Variants in PCNX2 observed in about 807,000 individuals in gnomAD.
PCNX2 encodes pecanex 2, also known as pecanex-like protein 2.
A neutral mutation model predicts 223.8 loss-of-function variants in PCNX2; 168 were observed. That is an observed-to-expected ratio of 0.75 (90% CI 0.66 to 0.85). PCNX2 has a LOEUF of 0.85. Ranked by LOEUF, PCNX2 falls within the 40% of genes least tolerant of loss-of-function variation. The pLI, the probability that PCNX2 is intolerant of heterozygous loss-of-function variation, is 0.00. For missense variants in PCNX2, 2,507 were observed against 2,675.5 expected (o/e 0.94, Z 1.39); for synonymous variants, 1,006 against 1,052.6 (o/e 0.96, Z 0.86).
At chr1:233,262,881 A>G (rs2103000407) in intron 2 of PCNX2, 77 bp downstream of exon 2, 1 of 1,394,162 alleles carries the variant, frequency 7.2e-7, no homozygotes, top group Non-Finnish European at 1.0e-6. Flanking sequence ...TAATTTCATA[A>G]ACACTGATAA....
chr1:233,241,412 T>C (rs1658757721), intron 8 of PCNX2: 1 of 972,318 alleles, frequency 1.0e-6, no homozygotes, highest in African/African-American at 1.8e-5. Flanking sequence ...TATGCCTCTA[T>C]GCCTGGGTGA....
Position 233,251,969 on chromosome 1 carries a change from GT to G in PCNX2, c.2128+384del, listed in dbSNP as rs1188976654. ...AAGTACTGGGCATTGCCCTCTTGAAGTTGATAACTGTGAGGGGGAAATGCCA... is the reference window on the plus strand; with the variant it reads ...AAGTACTGGGCATTGCCCTCTTGAAGTGATAACTGTGAGGGGGAAATGCCA... On this transcript the variant is annotated intron_variant, in intron 7 of 33. Coordinates refer to ENST00000258229, the MANE Select transcript of PCNX2 (RefSeq NM_014801.4). Among the ~76,000 whole-genome samples the G allele has an allele frequency of 6.6e-5, 10 of 152,380 alleles. No individual in the cohort carries two copies. The East Asian group carries it at 1.9e-3, about 29-fold the overall frequency.
chr1:233,146,406 T>C (rs6679553), intron 19 of PCNX2, among the ~76,000 whole-genome samples: 15,571 of 152,242 alleles, frequency 0.1, 2,402 homozygotes, highest in African/African-American at 0.34. Context: ...TTTCTGATTA[T>C]GAAATAAAAA....
chr1:232,987,583 C>T (rs957056098), intron 32 of PCNX2, among the ~76,000 whole-genome samples: 11 of 152,340 alleles, frequency 7.2e-5, no homozygotes, highest in African/African-American at 2.2e-4. Context: ...TCAGAAAGGA[C>T]GTCCTATGCA....
At chr1:232,996,472 C>T (rs1669878473) in intron 32 of PCNX2, among the ~76,000 whole-genome samples, 2 of 152,244 alleles carry the variant, frequency 1.3e-5, no homozygotes, top group South Asian at 4.1e-4. Context: ...GCATGGGAGG[C>T]CTCCAGCAGG....
chr1:233,235,763 G>C (rs1457888392), intron 9 of PCNX2, among the ~76,000 whole-genome samples: 1 of 151,590 alleles, frequency 6.6e-6, no homozygotes, highest in East Asian at 1.9e-4. Context: ...CACCATGCCA[G>C]GCTAATGTTT....
rs968941768 is a variant in PCNX2, at chr1:233,295,431, C to G, written c.48G>C (p.Ala16=). 2 of 1,551,646 alleles carry G rather than the reference C, an allele frequency of 1.3e-6. No individual in the cohort carries two copies. The highest frequency in any genetic ancestry group is 1.4e-5 in the African/African-American group (1 of 73,074). ...GGTCGTGGTACCAGCCCCCGGTGAG[C>G]GCGGCCCACACGCCCTGCCGGAGCA... ...LQLLRQGVWA[A]LTGGWYHDPE... The change falls in exon 1 of 34, where the codon GCG becomes GCC. Residue 16 remains alanine (A), a synonymous_variant. Transcript: ENST00000258229. This position sits in a 1 kb window ranked among gnomAD's most constrained non-coding sequence, Gnocchi z 4.1.
chr1:233,061,260 A>G (rs191339024), intron 23 of PCNX2, among the ~76,000 whole-genome samples: 57 of 152,346 alleles, frequency 3.7e-4, no homozygotes, highest in African/African-American at 1.3e-3. Context: ...GCCAGAGTTT[A>G]AATACAGGGG....
At chr1:233,013,475 T>C (rs1027822826) in intron 28 of PCNX2, among the ~76,000 whole-genome samples, 1 of 152,096 alleles carries the variant, frequency 6.6e-6, no homozygotes, top group African/African-American at 2.4e-5. Context: ...GGAAACACAG[T>C]CAACAAGGCT....
At chr1:233,147,463 G>GAGGA (rs1185989267) in intron 19 of PCNX2, among the ~76,000 whole-genome samples, 1 of 152,084 alleles carries the variant, frequency 6.6e-6, no homozygotes, top group Non-Finnish European at 1.5e-5. Flanking sequence ...GTAGGCTGAG[G>GAGGA]AGGAGAAGGA....
In PCNX2 at chr1:233,258,037, G is replaced by GT; in HGVS notation, c.1824_1825insA (p.Leu609ThrfsTer5). 6.2e-7 allele frequency: 1 copy of GT among 1,610,684 alleles called. No homozygotes were observed. Among genetic ancestry groups the GT allele is most frequent in the East Asian group, 2.2e-5 (1 of 44,748 alleles). On this transcript the variant is annotated frameshift_variant, in exon 5 of 34. Coordinates refer to ENST00000258229, the MANE Select transcript of PCNX2 (RefSeq NM_014801.4). LOFTEE classifies it high-confidence loss of function. ...TGACATGGAATCGCACCTCGGAGAA[G>GT]CCCACTTTCTTCATTCTGCTCAGCT...
chr1:233,057,730 T>C (rs1672245238), intron 23 of PCNX2: 2 of 239,930 alleles, frequency 8.3e-6, no homozygotes, highest in South Asian at 1.5e-4. Context: ...AGATTAGCCA[T>C]GTGTGGTGGC....
intron 21 of PCNX2, among the ~76,000 whole-genome samples, chr1:233,115,142 G>C (rs1675333140): frequency 6.6e-6 from 1 of 151,856 alleles, no homozygotes; most frequent in Non-Finnish European, 1.5e-5. Context: ...CAGGGAAATA[G>C]ATTGAGACTA....
At chr1:233,075,096 A>G (rs535023091) in intron 23 of PCNX2, among the ~76,000 whole-genome samples, 9 of 152,348 alleles carry the variant, frequency 5.9e-5, no homozygotes, top group African/African-American at 2.2e-4. Flanking sequence ...ATCTCAGAGA[A>G]GTGAAGATTT....
Position 233,258,867 on chromosome 1 carries a change from T to C in PCNX2, c.995A>G (p.Gln332Arg). The C allele has an allele frequency of 6.2e-7, 1 of 1,613,966 alleles. No individual in the cohort carries two copies. The highest frequency in any genetic ancestry group is 8.5e-7 in the Non-Finnish European group (1 of 1,179,876). ...PVEEPADTSCQVDTSCQGDLP... is the reference protein window; with the variant it reads ...PVEEPADTSCRVDTSCQGDLP... ...GTCCCCCTGGCAGGAGGTATCTACC[T>C]GACAGGATGTGTCTGCTGGCTCCTC... Residue 332 changes from glutamine (Q) to arginine (R), a missense_variant, in exon 5 of 34, where the codon CAG becomes CGG. Physicochemically the swap from Gln to Arg is conservative, Grantham distance 43. Coordinates refer to ENST00000258229, the MANE Select transcript of PCNX2 (RefSeq NM_014801.4).
At chr1:233,325,199 T>A in the PCNX2 span, among the ~76,000 whole-genome samples, 1 of 152,156 alleles carries the variant, frequency 6.6e-6, no homozygotes, top group Non-Finnish European at 1.5e-5. Flanking sequence ...CCATTCTAGA[T>A]GCCATTAAAA....
the PCNX2 span, among the ~76,000 whole-genome samples, chr1:233,311,555 T>G: frequency 1.3e-5 from 2 of 152,310 alleles, no homozygotes; most frequent in South Asian, 2.1e-4. Flanking sequence ...ATGGAAAAAC[T>G]GAGTAATACA....
chr1:233,291,327 G>A (rs769997220), intron 1 of PCNX2, among the ~76,000 whole-genome samples: 56 of 152,062 alleles, frequency 3.7e-4, no homozygotes, highest in African/African-American at 1.1e-3. Flanking sequence ...GAGGAAGAAC[G>A]AGCCAGGCAT....
At chr1:233,275,566 T>C (rs1227253551) in intron 1 of PCNX2, among the ~76,000 whole-genome samples, 2 of 152,196 alleles carry the variant, frequency 1.3e-5, no homozygotes, top group Admixed American at 6.5e-5. Context: ...AGTTGATATA[T>C]TGTTATTTTA....
Sources: gnomAD v4.1 joint callset for allele counts (sites outside exome capture counted in the v4.1 genomes callset) on GRCh38, gnomAD v4.1.1 for gene constraint, Gnocchi (gnomAD v3.1) non-coding constraint, MANE v1.5 for transcripts, NCBI Gene and HGNC (gene_info 2026-07-23, HGNC 2026-07-21) for gene names.